Variants in BRIP1 observed in about 807,000 individuals in gnomAD.
The protein encoded by BRIP1 is Fanconi anemia group J protein.
BRIP1 carries 88 observed loss-of-function variants against 119.7 expected under a neutral mutation model. The observed-to-expected ratio is 0.74, with a 90% CI of 0.62 to 0.88. The LOEUF (loss-of-function observed/expected upper bound fraction) is 0.88, where lower values mean the gene tolerates loss of function less well. Ranked by LOEUF, BRIP1 falls within the 40% of genes least tolerant of loss-of-function variation. The pLI, the probability that BRIP1 is intolerant of heterozygous loss-of-function variation, is 0.00. For missense variants in BRIP1, 1,259 were observed against 1,455.4 expected, an observed-to-expected ratio of 0.87 and a Z score of 2.20; for synonymous variants, 443 against 496.5, an observed-to-expected ratio of 0.89 and a Z score of 1.43.
chr17:61,731,904 G>T, intron 16 of BRIP1, among the ~76,000 whole-genome samples: 2 of 113,276 alleles, frequency 1.8e-5, no homozygotes, highest in Non-Finnish European at 4.0e-5. Context: ...TGGTGCTCTA[G>T]CCAGATATTA....
intron 6 of BRIP1, among the ~76,000 whole-genome samples, chr17:61,817,512 T>C (rs1025645944): frequency 1.3e-5 from 2 of 152,192 alleles, no homozygotes. Flanking sequence ...TGTGCTTCTA[T>C]GGGCTTTAAA....
chr17:61,685,503 A>G (rs2144104192), intron 19 of BRIP1: 1 of 355,830 alleles, frequency 2.8e-6, no homozygotes, highest in South Asian at 5.2e-5. Context: ...TGTGATATTT[A>G]TAATTTTGAC....
chr17:61,743,537 T>C lies in BRIP1; in HGVS notation c.2258-403A>G, dbSNP rs915806247. ...ATTGTAATTGATAATACATATCATA[T>C]GGAATCAATATATTTAAAAGTATTG... On this transcript the variant is annotated intron_variant, in intron 15 of 19. Coordinates refer to ENST00000259008, the MANE Select transcript of BRIP1 (RefSeq NM_032043.3). This position sits in a 1 kb window ranked among gnomAD's most constrained non-coding sequence, Gnocchi z 4.3. Among the ~76,000 whole-genome samples the C allele has an allele frequency of 6.6e-6, 1 of 152,172 alleles. No individual in the cohort carries two copies. Among genetic ancestry groups the C allele is most frequent in the African/African-American group, 2.4e-5 (1 of 41,436 alleles).
rs2078903368 is a variant in BRIP1 at position 61,856,946 on chromosome 17, A to G, written c.379+112T>C. ...TAAAATCATTCCAGAGAAACTAGAT[A>G]GAGATATATAATCAGTTATGCTAAC... On this transcript the variant is annotated intron_variant, in intron 4 of 19. Coordinates refer to ENST00000259008, the MANE Select transcript of BRIP1 (RefSeq NM_032043.3). The surrounding 1 kb of genome is among the most constrained non-coding windows in gnomAD (Gnocchi z 5.1). 1 of 1,020,786 alleles carries G rather than the reference A, an allele frequency of 9.8e-7. No individual in the cohort carries two copies. Among genetic ancestry groups the G allele is most frequent in the Non-Finnish European group, 1.5e-6 (1 of 652,686 alleles). The allele number at this position is 1,020,786 out of a possible 1,614,324, so 63.2% of individuals were successfully genotyped here. A position where few individuals can be genotyped will look rare whatever the true frequency, so the allele number is the denominator to read the frequency against.
chr17:61,698,801 A>G (rs568350794), intron 17 of BRIP1, among the ~76,000 whole-genome samples: 2 of 151,888 alleles, frequency 1.3e-5, no homozygotes, highest in African/African-American at 2.4e-5. Context: ...TGCAGCCTCA[A>G]CTTCCTGGGC....
chr17:61,820,949 T>TAA (rs779314068), intron 6 of BRIP1, among the ~76,000 whole-genome samples: 4 of 143,940 alleles, frequency 2.8e-5, no homozygotes, highest in South Asian at 2.2e-4. Flanking sequence ...GACTCTGTCT[T>TAA]AAAAAAAAAA....
Position 61,705,021 on chromosome 17 carries a change from T to C in BRIP1, c.2492+10930A>G, listed in dbSNP as rs2061671719. 6.6e-6 allele frequency among the ~76,000 whole-genome samples: 1 copy of C among 152,124 alleles called. No homozygotes were observed. The highest frequency in any genetic ancestry group is 1.9e-4 in the East Asian group (1 of 5,198). On this transcript the variant is annotated intron_variant, in intron 17 of 19. Transcript: ENST00000259008. This position sits in a 1 kb window ranked among gnomAD's most constrained non-coding sequence, Gnocchi z 5.0. ...GCATGATGTTGAGTTTGGAGTACAA[T>C]TGAACCTGTTACCCAGAAAGCAAGC...
At chr17:61,718,488 C>T (rs73328539) in intron 16 of BRIP1, among the ~76,000 whole-genome samples, 1 of 152,306 alleles carries the variant, frequency 6.6e-6, no homozygotes, top group African/African-American at 2.4e-5. Flanking sequence ...CCTTATGTAG[C>T]TTCCTCTCAT....
In BRIP1 at chr17:61,849,062, A is replaced by G. The variant is rs73991950; in HGVS notation, c.507+67T>C. The G allele has an allele frequency of 6.1e-3, 9,540 of 1,560,742 alleles. 477 individuals carry two copies. In the African/African-American group the frequency reaches 0.11, roughly 18 times the overall value. The stretch of plus-strand genomic sequence containing the variant: ...TAATCTCCACAAGTGCATTAAAAAC[A>G]TGATACTTGACTACCATGTTCAGCT... On this transcript the variant is annotated intron_variant, in intron 5 of 19. Transcript: ENST00000259008.
At chr17:61,698,778 G>A (rs548437986) in intron 17 of BRIP1, among the ~76,000 whole-genome samples, 1 of 151,750 alleles carries the variant, frequency 6.6e-6, no homozygotes, top group South Asian at 2.1e-4. Context: ...GAAGTAGTGA[G>A]GTCATGGCTT....
At position 61,729,874 on chromosome 17, in the gene BRIP1, T is replaced by C. The variant is rs2076821038; in HGVS notation, c.2379+13139A>G. On this transcript the variant is annotated intron_variant, in intron 16 of 19. Coordinates refer to ENST00000259008, the MANE Select transcript of BRIP1 (RefSeq NM_032043.3). The surrounding 1 kb of genome is among the most constrained non-coding windows in gnomAD (Gnocchi z 5.6). ...TGGCAGGGTGACCGTGGGGGGTGTC[T>C]AGATCCCACTACCGGCATCTAGTGG... is the stretch of plus-strand genomic sequence containing the variant. 1.3e-5 allele frequency among the ~76,000 whole-genome samples: 2 copies of C among 152,054 alleles called. No homozygotes were observed. The highest frequency in any genetic ancestry group is 4.2e-4 in the South Asian group (2 of 4,812).
intron 6 of BRIP1, among the ~76,000 whole-genome samples, chr17:61,820,964 AAAG>A (rs2078313288): frequency 4.9e-5 from 3 of 61,038 alleles, no homozygotes; most frequent in Non-Finnish European, 8.2e-5. Flanking sequence ...AAAAAAAAAG[AAAG>A]AAAGAAAGAA....
rs1567740818 is a variant in BRIP1 at position 61,697,005 on chromosome 17, G to GAAAA, written c.2493-3494_2493-3493insTTTT. On this transcript the variant is annotated intron_variant, in intron 17 of 19. Transcript: ENST00000259008. ...TGTCTCAAAAAAAAAAAAAAAAAAG[G>GAAAA]GGGGGGGAAGTGTTTTGATGACAAA... is the stretch of plus-strand genomic sequence containing the variant. Among the ~76,000 whole-genome samples the GAAAA allele has an allele frequency of 6.1e-3, 691 of 113,980 alleles. 10 individuals carry two copies. The highest frequency in any genetic ancestry group is 0.019 in the Middle Eastern group (3 of 160). The allele number at this position is 113,980 out of a possible 152,430, so 74.8% of individuals were successfully genotyped here. A position where few individuals can be genotyped will look rare whatever the true frequency, so the allele number is the denominator to read the frequency against.
chr17:61,820,881 CG>C (rs1268067277), intron 6 of BRIP1, among the ~76,000 whole-genome samples: 2 of 150,554 alleles, frequency 1.3e-5, no homozygotes, highest in Admixed American at 6.7e-5. Context: ...GCCAGGGAAG[CG>C]GAGGTTGCAG....
rs2076968762 is a variant in BRIP1 at position 61,740,204 on chromosome 17, A to T, written c.2379+2809T>A. On this transcript the variant is annotated intron_variant, in intron 16 of 19. Transcript: ENST00000259008. This position sits in a 1 kb window ranked among gnomAD's most constrained non-coding sequence, Gnocchi z 5.4. ...GTGGAAGAGATCAGAATATGGAGTG[A>T]CTAAATCACAAGATCTGCAAGGCAG... Among the ~76,000 whole-genome samples, 1 of 152,098 alleles carries T rather than the reference A, an allele frequency of 6.6e-6. No homozygotes were observed. The highest frequency in any genetic ancestry group is 1.5e-5 in the Non-Finnish European group (1 of 68,020).
In BRIP1 at chr17:61,803,698, T is replaced by C. The variant is rs1208697085; in HGVS notation, c.919-2224A>G. ...AAACCCAGCCCTAACAAGTGTCTCATATACTATTAAAAATGTACAAAATTA... is the reference window on the plus strand; with the variant it reads ...AAACCCAGCCCTAACAAGTGTCTCACATACTATTAAAAATGTACAAAATTA... On this transcript the variant is annotated intron_variant, in intron 7 of 19. Coordinates refer to ENST00000259008, the MANE Select transcript of BRIP1 (RefSeq NM_032043.3). The surrounding 1 kb of genome is among the most constrained non-coding windows in gnomAD (Gnocchi z 4.3). 6.6e-6 allele frequency among the ~76,000 whole-genome samples: 1 copy of C among 152,146 alleles called. No individual in the cohort carries two copies. Among genetic ancestry groups the C allele is most frequent in the Non-Finnish European group, 1.5e-5 (1 of 68,010 alleles).
rs1271930477 is a variant in BRIP1 at position 61,798,538 on chromosome 17, CAG to C, written c.1340+560_1340+561del. ...TTTTAAAGTGTAAATGTGAAGGAAA[CAG>C]AAAAATGCTACAATAAATGAAATGG... is the stretch of plus-strand genomic sequence containing the variant. On this transcript the variant is annotated intron_variant, in intron 9 of 19. Coordinates refer to ENST00000259008, the MANE Select transcript of BRIP1 (RefSeq NM_032043.3). The surrounding 1 kb of genome is among the most constrained non-coding windows in gnomAD (Gnocchi z 5.5). Among the ~76,000 whole-genome samples the C allele has an allele frequency of 6.6e-6, 1 of 151,744 alleles. No homozygotes were observed. The highest frequency in any genetic ancestry group is 1.5e-5 in the Non-Finnish European group (1 of 67,840).
chr17:61,836,656 G>A (rs1029150578), intron 6 of BRIP1, among the ~76,000 whole-genome samples: 9 of 152,016 alleles, frequency 5.9e-5, no homozygotes, highest in African/African-American at 1.9e-4. Context: ...CATTACACTT[G>A]TCCTTATGGT....
At position 61,776,270 on chromosome 17, in the gene BRIP1, A is replaced by G; in HGVS notation, c.2097+131T>C. The G allele has an allele frequency of 1.1e-6, 1 of 950,186 alleles. No individual in the cohort carries two copies. The allele number at this position is 950,186 out of a possible 1,614,324, so 58.9% of individuals were successfully genotyped here. On this transcript the variant is annotated intron_variant, in intron 14 of 19. Transcript: ENST00000259008. The surrounding 1 kb of genome is among the most constrained non-coding windows in gnomAD (Gnocchi z 5.0). ...ATAAGTAAAATAATATGTGATGTTT[A>G]GAAAACTATAGTTATTACCTTGTTG...
Sources: gnomAD v4.1 joint callset for allele counts (sites outside exome capture counted in the v4.1 genomes callset) on GRCh38, gnomAD v4.1.1 for gene constraint, Gnocchi (gnomAD v3.1) non-coding constraint, MANE v1.5 for transcripts, NCBI Gene and HGNC (gene_info 2026-07-23, HGNC 2026-07-21) for gene names.